The following DPP6 variants were observed in gnomAD, a reference collection of about 807,000 sequenced individuals.
DPP6 encodes A-type potassium channel modulatory protein DPP6.
Under a neutral mutation model 122.6 loss-of-function variants are expected in DPP6, and 69 were observed. That is an observed-to-expected ratio of 0.56 (90% CI 0.46 to 0.69). The LOEUF (loss-of-function observed/expected upper bound fraction) is 0.69. Ranked by LOEUF, DPP6 falls within the 30% of genes least tolerant of loss-of-function variation. DPP6 has a pLI of 0.00. For synonymous variants in DPP6, 418 were observed against 433.1 expected (o/e 0.97, Z 0.43); for missense variants, 928 against 1,116.9 (o/e 0.83, Z 2.41).
intron 6 of DPP6, among the ~76,000 whole-genome samples, chr7:154,646,114 C>T (rs1011070402): frequency 2.6e-5 from 4 of 151,294 alleles, no homozygotes; most frequent in Admixed American, 2.6e-4. Context: ...TCTAATTAGC[C>T]ACCCTTCATC....
At chr7:153,869,204 C>A in the DPP6 span, among the ~76,000 whole-genome samples, 5 of 152,190 alleles carry the variant, frequency 3.3e-5, no homozygotes, top group Non-Finnish European at 5.9e-5. Flanking sequence ...TCCTGGATAT[C>A]CTTGTTAACT....
chr7:154,873,502 G>T (rs531885275), intron 19 of DPP6, among the ~76,000 whole-genome samples: 1 of 152,180 alleles, frequency 6.6e-6, no homozygotes, highest in African/African-American at 2.4e-5. Flanking sequence ...GGATGCCAGT[G>T]CAACTACCCC....
chr7:154,775,345 G>A (rs1025488015), intron 10 of DPP6, among the ~76,000 whole-genome samples: 13 of 152,118 alleles, frequency 8.5e-5, no homozygotes, highest in African/African-American at 9.7e-5. Context: ...TCCTCCAATC[G>A]TTCCATCTTG....
At chr7:154,709,054 T>C (rs2316238) in intron 7 of DPP6, among the ~76,000 whole-genome samples, 70 of 151,404 alleles carry the variant, frequency 4.6e-4, no homozygotes, top group African/African-American at 1.7e-3. Flanking sequence ...TCTCAAAAAA[T>C]AAATAAAAAT....
At chr7:154,311,318 C>A (rs1806859384) in intron 1 of DPP6, among the ~76,000 whole-genome samples, 1 of 151,930 alleles carries the variant, frequency 6.6e-6, no homozygotes, top group Non-Finnish European at 1.5e-5. Context: ...CATGGCGAAG[C>A]CCCATGTCTA....
At chr7:154,698,910 T>C (rs1840364368) in intron 7 of DPP6, among the ~76,000 whole-genome samples, 1 of 152,176 alleles carries the variant, frequency 6.6e-6, no homozygotes. Context: ...AGCAGTGAGC[T>C]GAGGAAGACG....
chr7:153,844,511 C>G, the DPP6 span, among the ~76,000 whole-genome samples: 1 of 152,324 alleles, frequency 6.6e-6, no homozygotes, highest in African/African-American at 2.4e-5. Flanking sequence ...CCATTCTGTT[C>G]TAATCAACCT....
intron 3 of DPP6, among the ~76,000 whole-genome samples, chr7:154,494,812 G>GA (rs1249244459): frequency 6.6e-5 from 10 of 151,940 alleles, no homozygotes; most frequent in African/African-American, 1.7e-4. Flanking sequence ...GTTAATAATT[G>GA]AAAAAATGGT....
intron 7 of DPP6, among the ~76,000 whole-genome samples, chr7:154,716,252 C>T (rs190138567): frequency 7.4e-4 from 113 of 152,248 alleles, no homozygotes; most frequent in African/African-American, 2.6e-3. Flanking sequence ...AATGAAGCCC[C>T]AACTTCCCTG....
Position 154,892,591 on chromosome 7 carries a change from G to T in DPP6, c.*111G>T. ...GGGGCGGGGCGGGGCGGGGCCGGGT[G>T]TTCCATAGCATGTGTGTCTCGGATG... On this transcript the variant is annotated 3_prime_UTR_variant, in exon 26 of 26. Coordinates refer to ENST00000377770, the MANE Select transcript of DPP6 (RefSeq NM_130797.4). The T allele has an allele frequency of 6.5e-7, 1 of 1,549,252 alleles. No homozygotes were observed. Among genetic ancestry groups the T allele is most frequent in the Non-Finnish European group, 8.7e-7 (1 of 1,148,394 alleles).
At chr7:154,186,271 T>G (rs945868152) in intron 1 of DPP6, among the ~76,000 whole-genome samples, 4 of 152,124 alleles carry the variant, frequency 2.6e-5, no homozygotes, top group African/African-American at 4.8e-5. Flanking sequence ...GTTGAAATCA[T>G]ACTTGGGTCT....
chr7:153,922,825 C>G (rs1207403698), intron 1 of DPP6, among the ~76,000 whole-genome samples: 1 of 152,180 alleles, frequency 6.6e-6, no homozygotes, highest in African/African-American at 2.4e-5. Context: ...AAGGAGAGGC[C>G]TTAGCGAGCC....
chr7:154,359,400 C>T (rs1361567878), intron 1 of DPP6, among the ~76,000 whole-genome samples: 1 of 152,180 alleles, frequency 6.6e-6, no homozygotes, highest in Non-Finnish European at 1.5e-5. Context: ...CTCACCCCTT[C>T]AAGTCCTTGA....
intron 5 of DPP6, chr7:154,588,590 G>A (rs1832620468): frequency 6.6e-6 from 1 of 152,420 alleles, no homozygotes; most frequent in Non-Finnish European, 1.5e-5. Context: ...TTTTAAAAAT[G>A]TTCAGCTAAA....
At chr7:154,778,637 C>A (rs1160959217) in intron 10 of DPP6, among the ~76,000 whole-genome samples, 1 of 132,304 alleles carries the variant, frequency 7.6e-6, no homozygotes, top group Non-Finnish European at 1.6e-5. Context: ...CCACCACCAC[C>A]ACACCACCAC....
intron 1 of DPP6, among the ~76,000 whole-genome samples, chr7:153,976,460 T>C (rs1015468709): frequency 6.6e-6 from 1 of 152,168 alleles, no homozygotes; most frequent in Non-Finnish European, 1.5e-5. Context: ...AGTCTTATTA[T>C]CCCTCCAGGG....
the DPP6 span, among the ~76,000 whole-genome samples, chr7:153,841,894 A>G: frequency 6.6e-6 from 1 of 152,218 alleles, no homozygotes; most frequent in Non-Finnish European, 1.5e-5. Context: ...CGTTTTGCTT[A>G]AGAAATTTCC....
chr7:154,264,158 G>C (rs1302492648), intron 1 of DPP6, among the ~76,000 whole-genome samples: 1 of 152,308 alleles, frequency 6.6e-6, no homozygotes, highest in South Asian at 2.1e-4. Flanking sequence ...CAAAGAGTGT[G>C]AGAGGTGCAT....
chr7:154,228,619 A>G (rs2150845137), intron 1 of DPP6, among the ~76,000 whole-genome samples: 1 of 152,314 alleles, frequency 6.6e-6, no homozygotes, highest in African/African-American at 2.4e-5. Context: ...CTAAGCTTAC[A>G]ATTGCAGGGA....
Sources: allele counts gnomAD v4.1 joint callset (sites outside exome capture counted in the v4.1 genomes callset), GRCh38; gene constraint gnomAD v4.1.1; transcripts MANE v1.5; gene names NCBI Gene and HGNC (gene_info 2026-07-23, HGNC 2026-07-21).